Variants in WDR82 observed in about 807,000 individuals in gnomAD.
WDR82 encodes WD repeat-containing protein 82.
In WDR82, 8 loss-of-function variants were observed where a neutral mutation model predicts 36.1. The ratio of observed to expected loss-of-function variants is 0.22; its 90% confidence interval spans 0.13 to 0.40. The LOEUF is 0.40. Ranked by LOEUF, WDR82 falls within the 10% of genes least tolerant of loss-of-function variation. The pLI is 1.00. For missense variants in WDR82, 185 were observed against 400.5 expected (o/e 0.46, Z 4.59); for synonymous variants, 129 against 137.8 (o/e 0.94, Z 0.45).
rs1194306481 is a variant in WDR82 at position 52,254,515 on chromosome 3, A to G, written c.*2975T>C. The G allele has an allele frequency of 6.6e-6, 1 of 152,666 alleles. No homozygotes were observed. Among genetic ancestry groups the G allele is most frequent in the Non-Finnish European group, 1.5e-5 (1 of 68,050 alleles). The allele number at this position is 152,666 out of a possible 1,614,324, so 9.5% of individuals were successfully genotyped here. Reference sequence around the variant, plus strand: ...ATAAAATTGTATATACAGAATAACGACTATGTAAACACACCAAAAATCTAT... The same window carrying G: ...ATAAAATTGTATATACAGAATAACGGCTATGTAAACACACCAAAAATCTAT... On this transcript the variant is annotated 3_prime_UTR_variant, in exon 9 of 9. Transcript: ENST00000296490.
At position 52,263,430 on chromosome 3, in the gene WDR82, C is replaced by T. The variant is rs150708085; in HGVS notation, c.327-1951G>A. ...GAAAATGGGTCAGAGCCAGAAGGGA[C>T]AGAACCTGACTACAAGGGGAAGGAG... On this transcript the variant is annotated intron_variant, in intron 3 of 8. Transcript: ENST00000296490. Among the ~76,000 whole-genome samples the T allele has an allele frequency of 3.7e-3, 567 of 152,250 alleles. 4 individuals carry two copies. The highest frequency in any genetic ancestry group is 0.013 in the African/African-American group (534 of 41,556).
intron 1 of WDR82, among the ~76,000 whole-genome samples, chr3:52,275,388 T>C (rs1700194128): frequency 6.6e-6 from 1 of 152,132 alleles, no homozygotes. Flanking sequence ...ATCTGACCAA[T>C]GTCACATACC....
At chr3:52,269,200 C>T (rs1277350461) in intron 2 of WDR82, among the ~76,000 whole-genome samples, 5 of 152,164 alleles carry the variant, frequency 3.3e-5, no homozygotes, top group Non-Finnish European at 5.9e-5. Flanking sequence ...CCTGGCCGGG[C>T]GTGGTGGTTC....
chr3:52,258,759 T>C, intron 7 of WDR82, 81 bp from the exon 8 acceptor site: 5 of 1,592,916 alleles, frequency 3.1e-6, no homozygotes, highest in Non-Finnish European at 4.3e-6. Context: ...GATTGAGATC[T>C]GAGGATACGC....
At position 52,278,400 on chromosome 3, in the gene WDR82, G is replaced by A. The variant is rs893439792; in HGVS notation, c.-39C>T. Reference sequence around the variant, plus strand: ...GAAGGCAGCGGCGGCGCAGGGCCGGGGCGGGGCCCGGCGGCGAGCGGGCGG... The same window carrying A: ...GAAGGCAGCGGCGGCGCAGGGCCGGAGCGGGGCCCGGCGGCGAGCGGGCGG... On this transcript the variant is annotated 5_prime_UTR_variant, in exon 1 of 9. Coordinates refer to ENST00000296490, the MANE Select transcript of WDR82 (RefSeq NM_025222.4). 31 of 1,285,736 alleles carry A rather than the reference G, an allele frequency of 2.4e-5. No homozygotes were observed. Among genetic ancestry groups the A allele is most frequent in the Non-Finnish European group, 3.1e-5 (31 of 1,011,628 alleles). 79.6% of individuals were successfully genotyped at this position (1,285,736 alleles called of 1,614,324 possible).
chr3:52,257,443 C>T lies in WDR82; in HGVS notation c.*47G>A. 1 of 1,614,000 alleles carries T rather than the reference C, an allele frequency of 6.2e-7. No individual in the cohort carries two copies. Among genetic ancestry groups the T allele is most frequent in the South Asian group, 1.1e-5 (1 of 91,076 alleles). On this transcript the variant is annotated 3_prime_UTR_variant, in exon 9 of 9. Coordinates refer to ENST00000296490, the MANE Select transcript of WDR82 (RefSeq NM_025222.4). Reference sequence around the variant, plus strand: ...TATCTCAGTTCCCTCTGAGTTTCTTCCTGCTGGCCGCCCTCACTATACAGA... The same window carrying T: ...TATCTCAGTTCCCTCTGAGTTTCTTTCTGCTGGCCGCCCTCACTATACAGA...
chr3:52,264,173 AAAAC>A (rs1700086097), intron 3 of WDR82, among the ~76,000 whole-genome samples: 2 of 152,320 alleles, frequency 1.3e-5, no homozygotes, highest in Admixed American at 1.3e-4. Context: ...AAAAAACAAA[AAAAC>A]AAACAAAACC....
chr3:52,259,059 T>G (rs1163137997), intron 7 of WDR82, 138 bp downstream of exon 7: 19 of 1,027,242 alleles, frequency 1.8e-5, no homozygotes, highest in Middle Eastern at 3.2e-4. Flanking sequence ...TAAAAGACAC[T>G]ATGTCCTTGG....
At chr3:52,278,082 G>A (rs1325990786) in intron 1 of WDR82, 119 bp downstream of exon 1, 2 of 1,137,500 alleles carry the variant, frequency 1.8e-6, no homozygotes, top group Non-Finnish European at 2.3e-6. Flanking sequence ...GGCCCTGGCA[G>A]GAACGCGTGC....
At chr3:52,261,235 A>G (rs892971163) in intron 4 of WDR82, 145 bp downstream of exon 4, 56 of 673,154 alleles carry the variant, frequency 8.3e-5, no homozygotes, top group Admixed American at 6.8e-4. Flanking sequence ...GCTACCAACT[A>G]AAAAAACAGA....
rs200969602 is a variant in WDR82 at position 52,259,714 on chromosome 3, C to T, written c.699+3G>A. 2,783 of 1,607,980 alleles carry T rather than the reference C, an allele frequency of 1.7e-3. 13 individuals carry two copies. The highest frequency in any genetic ancestry group is 2.2e-3 in the Non-Finnish European group (2,575 of 1,176,588). ...CAGCCATGCTTGAAGGCTGTCAGCTCACCCCAAATGTGTGCATCACCACTC... is the reference window on the plus strand; with the variant it reads ...CAGCCATGCTTGAAGGCTGTCAGCTTACCCCAAATGTGTGCATCACCACTC... On this transcript the variant is annotated splice_donor_region_variant and intron_variant, in intron 6 of 8. Transcript: ENST00000296490.
chr3:52,264,815 C>T (rs1453795925), intron 3 of WDR82, among the ~76,000 whole-genome samples: 5 of 151,850 alleles, frequency 3.3e-5, no homozygotes, highest in East Asian at 1.9e-4. Flanking sequence ...TTTGGAGACA[C>T]GGTCTTGCTT....
intron 2 of WDR82, among the ~76,000 whole-genome samples, chr3:52,270,131 C>G (rs1189453030): frequency 6.6e-6 from 1 of 152,034 alleles, no homozygotes; most frequent in Non-Finnish European, 1.5e-5. Context: ...TAAAAGTGTT[C>G]TTTTTGGAGA....
At chr3:52,261,348 G>A (rs748189975) in intron 4 of WDR82, 32 bp downstream of exon 4, 1 of 1,583,966 alleles carries the variant, frequency 6.3e-7, no homozygotes, top group East Asian at 2.3e-5. Flanking sequence ...CAAAGAAAAT[G>A]CTCAAAAAGT....
intron 3 of WDR82, among the ~76,000 whole-genome samples, chr3:52,263,223 A>G (rs1700076695): frequency 6.6e-6 from 1 of 152,254 alleles, no homozygotes; most frequent in South Asian, 2.1e-4. Context: ...CTCTATGCTG[A>G]GAAGTACAGG....
intron 3 of WDR82, among the ~76,000 whole-genome samples, chr3:52,265,898 G>T (rs1434255219): frequency 6.6e-6 from 1 of 152,050 alleles, no homozygotes; most frequent in Admixed American, 6.5e-5. Context: ...TTTCTAACAG[G>T]AGGCTCTCAG....
intron 7 of WDR82, 92 bp from the exon 8 acceptor site, chr3:52,258,770 C>T: frequency 6.4e-7 from 1 of 1,574,340 alleles, no homozygotes; most frequent in Non-Finnish European, 8.6e-7. Flanking sequence ...GAGGATACGC[C>T]AAGCTTTAGG....
Position 52,262,647 on chromosome 3 carries a change from G to A in WDR82, c.327-1168C>T, listed in dbSNP as rs546564636. On this transcript the variant is annotated intron_variant, in intron 3 of 8. Transcript: ENST00000296490. ...GGGCACCACACCTAGAGAACCACAAGCCTATGCTAACAGCAACTGTATTCC... is the reference window on the plus strand; with the variant it reads ...GGGCACCACACCTAGAGAACCACAAACCTATGCTAACAGCAACTGTATTCC... 2.6e-5 allele frequency among the ~76,000 whole-genome samples: 4 copies of A among 152,286 alleles called. No individual in the cohort carries two copies. The South Asian group carries it at 8.3e-4, about 32-fold the overall frequency.
At position 52,259,180 on chromosome 3, in the gene WDR82, G is replaced by C. The variant is rs746424098; in HGVS notation, c.769+17C>G. On this transcript the variant is annotated intron_variant, in intron 7 of 8. Transcript: ENST00000296490. ...TACCAGAGAAATAACCCCCACAGGG[G>C]ATAAAAGGAAACTCACCAATCATAA... is the stretch of plus-strand genomic sequence containing the variant. The C allele has an allele frequency of 6.2e-7, 1 of 1,611,800 alleles. No individual in the cohort carries two copies. Among genetic ancestry groups the C allele is most frequent in the Admixed American group, 1.7e-5 (1 of 59,822 alleles).
Sources: gnomAD v4.1 joint callset for allele counts (sites outside exome capture counted in the v4.1 genomes callset) on GRCh38, gnomAD v4.1.1 for gene constraint, MANE v1.5 for transcripts, NCBI Gene and HGNC (gene_info 2026-07-23, HGNC 2026-07-21) for gene names.